ADCY2: variants seen among roughly 807,000 people sequenced by gnomAD.
The protein encoded by ADCY2 is adenylate cyclase type 2.
Under a neutral mutation model 125.2 loss-of-function variants are expected in ADCY2, and 31 were observed. That is an observed-to-expected ratio of 0.25 (90% CI 0.19 to 0.33). The LOEUF (loss-of-function observed/expected upper bound fraction) is 0.33, where lower values mean the gene tolerates loss of function less well. Among genes scored for constraint, ADCY2 ranks in the 10% least tolerant of loss-of-function variants. The pLI, the probability that ADCY2 is intolerant of heterozygous loss-of-function variation, is 1.00. For missense variants in ADCY2, 904 were observed against 1,418.2 expected, an observed-to-expected ratio of 0.64 and a Z score of 5.82; for synonymous variants, 512 against 548.4, an observed-to-expected ratio of 0.93 and a Z score of 0.93.
chr5:7,462,303 G>A (rs1162767225), intron 2 of ADCY2, among the ~76,000 whole-genome samples: 1 of 152,184 alleles, frequency 6.6e-6, no homozygotes, highest in Non-Finnish European at 1.5e-5. Flanking sequence ...TAATGAAAAT[G>A]TTTAAAAAAT....
intron 2 of ADCY2, among the ~76,000 whole-genome samples, chr5:7,423,881 A>G (rs1172087315): frequency 1.3e-5 from 2 of 152,166 alleles, no homozygotes; most frequent in African/African-American, 4.8e-5. Context: ...AATTGGCATC[A>G]TGACTAAACT....
At chr5:7,720,966 C>T (rs1741739382) in intron 12 of ADCY2, among the ~76,000 whole-genome samples, 1 of 152,190 alleles carries the variant, frequency 6.6e-6, no homozygotes. Flanking sequence ...CTTGAGGAAT[C>T]GCCACACTGT....
chr5:7,525,842 C>T (rs769151999), intron 3 of ADCY2, among the ~76,000 whole-genome samples: 9 of 152,168 alleles, frequency 5.9e-5, no homozygotes, highest in Non-Finnish European at 1.2e-4. Context: ...TGGACCAATT[C>T]GTGTCTGTAA....
chr5:7,421,711 G>T (rs1321943747), intron 2 of ADCY2, among the ~76,000 whole-genome samples: 1 of 152,132 alleles, frequency 6.6e-6, no homozygotes, highest in African/African-American at 2.4e-5. Context: ...CTGCTCTGAG[G>T]TTCACTCCTC....
intron 2 of ADCY2, among the ~76,000 whole-genome samples, chr5:7,502,226 C>T (rs1743619522): frequency 6.6e-6 from 1 of 152,214 alleles, no homozygotes; most frequent in Admixed American, 6.5e-5. Flanking sequence ...TCTGCCCTCC[C>T]TCTGCCTAAG....
chr5:7,455,467 G>T (rs982479332), intron 2 of ADCY2, among the ~76,000 whole-genome samples: 1 of 151,780 alleles, frequency 6.6e-6, no homozygotes, highest in Non-Finnish European at 1.5e-5. Context: ...GGGGATCAAG[G>T]TTATGTGATT....
At chr5:7,745,941 C>T (rs1742605767) in intron 15 of ADCY2, among the ~76,000 whole-genome samples, 2 of 152,208 alleles carry the variant, frequency 1.3e-5, no homozygotes, top group Non-Finnish European at 2.9e-5. Context: ...TCTGCTGCGT[C>T]TGTGGGAAAG....
chr5:7,698,753 T>A (rs1010183759), intron 7 of ADCY2, among the ~76,000 whole-genome samples: 1 of 152,242 alleles, frequency 6.6e-6, no homozygotes, highest in African/African-American at 2.4e-5. Context: ...TTCCATGGTG[T>A]ATATGTGCCA....
chr5:7,409,351 A>G (rs1335953721), intron 1 of ADCY2, among the ~76,000 whole-genome samples: 1 of 152,260 alleles, frequency 6.6e-6, no homozygotes, highest in Admixed American at 6.5e-5. Flanking sequence ...TTTCTTCTGT[A>G]TCAAATCTGC....
intron 2 of ADCY2, among the ~76,000 whole-genome samples, chr5:7,466,252 T>G (rs1349487423): frequency 6.6e-6 from 1 of 152,220 alleles, no homozygotes; most frequent in African/African-American, 2.4e-5. Flanking sequence ...AAGTTTTCTT[T>G]TTGTTATAAC....
At position 7,802,183 on chromosome 5, in the gene ADCY2, TC is replaced by T; in HGVS notation, c.2629-33del. ...GAGTGTTTCTGTTTAAAGGTCAGTC[TC>T]CTAGTGATCAGCTCTTGCTTTTCTC... On this transcript the variant is annotated intron_variant, in intron 20 of 24. Coordinates refer to ENST00000338316, the MANE Select transcript of ADCY2 (RefSeq NM_020546.3). The surrounding 1 kb of genome is among the most constrained non-coding windows in gnomAD (Gnocchi z 4.6). The T allele has an allele frequency of 6.2e-7, 1 of 1,609,254 alleles. No homozygotes were observed. Among genetic ancestry groups the T allele is most frequent in the Non-Finnish European group, 8.5e-7 (1 of 1,178,338 alleles).
At chr5:7,485,031 C>T (rs116071493) in intron 2 of ADCY2, among the ~76,000 whole-genome samples, 2,029 of 152,130 alleles carry the variant, frequency 0.013, 44 homozygotes, top group African/African-American at 0.047. Context: ...GAGTACAGGT[C>T]ACAGAATGAG....
At chr5:7,644,343 G>T (rs149535073) in intron 4 of ADCY2, among the ~76,000 whole-genome samples, 1 of 152,076 alleles carries the variant, frequency 6.6e-6, no homozygotes, top group Non-Finnish European at 1.5e-5. Context: ...AACTATTCTT[G>T]AGGCATCACC....
intron 3 of ADCY2, among the ~76,000 whole-genome samples, chr5:7,564,445 C>T (rs989106906): frequency 2.0e-5 from 3 of 152,100 alleles, no homozygotes; most frequent in Non-Finnish European, 2.9e-5. Flanking sequence ...CTTTTCTTAG[C>T]CCTCTGCATA....
chr5:7,424,955 C>T (rs965975758), intron 2 of ADCY2, among the ~76,000 whole-genome samples: 1 of 152,164 alleles, frequency 6.6e-6, no homozygotes, highest in African/African-American at 2.4e-5. Context: ...AAAACCTCAT[C>T]AGGTGCAAAG....
chr5:7,552,964 T>C (rs1360366182), intron 3 of ADCY2, among the ~76,000 whole-genome samples: 1 of 152,186 alleles, frequency 6.6e-6, no homozygotes, highest in Non-Finnish European at 1.5e-5. Flanking sequence ...GCCTGGGGCT[T>C]TAAACTGGCC....
chr5:7,403,033 G>A (rs1475267729), intron 1 of ADCY2, among the ~76,000 whole-genome samples: 2 of 152,078 alleles, frequency 1.3e-5, no homozygotes, highest in Non-Finnish European at 2.9e-5. Flanking sequence ...CATGATGCTG[G>A]GGTATTGCAG....
At chr5:7,782,326 C>G (rs191235843) in intron 18 of ADCY2, 2 of 165,766 alleles carry the variant, frequency 1.2e-5, no homozygotes, top group African/African-American at 2.4e-5. Flanking sequence ...TGTGAGGACT[C>G]CCCAGACAGG....
At position 7,717,245 on chromosome 5, in the gene ADCY2, C is replaced by T. The variant is rs1334158618; in HGVS notation, c.1703+8C>T. 2 of 1,561,700 alleles carry T rather than the reference C, an allele frequency of 1.3e-6. No individual in the cohort carries two copies. Among genetic ancestry groups the T allele is most frequent in the Non-Finnish European group, 8.8e-7 (1 of 1,138,956 alleles). ...TGGGATTAATGCACAGAAGTGAGTA[C>T]TTCTTTCTCTTAAATTATCTTTCAT... On this transcript the variant is annotated splice_region_variant and intron_variant, in intron 12 of 24. Transcript: ENST00000338316.
Sources: gnomAD v4.1 joint callset for allele counts (sites outside exome capture counted in the v4.1 genomes callset) on GRCh38, gnomAD v4.1.1 for gene constraint, Gnocchi (gnomAD v3.1) non-coding constraint, MANE v1.5 for transcripts, NCBI Gene and HGNC (gene_info 2026-07-23, HGNC 2026-07-21) for gene names.